Variants in NFASC observed in about 807,000 individuals in gnomAD.
The protein encoded by NFASC is neurofascin, also known as neurofascin homolog.
NFASC carries 43 observed loss-of-function variants against 147.5 expected under a neutral mutation model. The observed-to-expected ratio is 0.29, with a 90% CI of 0.23 to 0.38. The LOEUF (loss-of-function observed/expected upper bound fraction) is 0.38, where lower values mean the gene tolerates loss of function less well. Ranked by LOEUF, NFASC falls within the 10% of genes least tolerant of loss-of-function variation. NFASC has a pLI of 1.00. For missense variants in NFASC, 1,320 were observed against 1,689.0 expected (o/e 0.78, Z 3.83); for synonymous variants, 622 against 665.5 (o/e 0.93, Z 1.01).
At chr1:204,955,027 G>T in intron 7 of NFASC, 76 bp downstream of exon 7, 1 of 1,546,328 alleles carries the variant, frequency 6.5e-7, no homozygotes, top group Admixed American at 1.7e-5. Context: ...GTGGGGAGGG[G>T]CTTGCCCAAG....
intron 1 of NFASC, among the ~76,000 whole-genome samples, chr1:204,894,512 G>A (rs184385470): frequency 3.9e-5 from 6 of 152,336 alleles, no homozygotes; most frequent in Admixed American, 3.3e-4. Flanking sequence ...ATTACAAAGA[G>A]CCTAGATATT....
At chr1:204,918,986 T>C (rs755089471) in intron 1 of NFASC, among the ~76,000 whole-genome samples, 2 of 152,142 alleles carry the variant, frequency 1.3e-5, no homozygotes, top group Non-Finnish European at 2.9e-5. Context: ...AACTTCTGTC[T>C]GTCCCCTGCA....
chr1:204,887,850 G>A (rs1557988282), intron 1 of NFASC, among the ~76,000 whole-genome samples: 1 of 152,026 alleles, frequency 6.6e-6, no homozygotes, highest in Non-Finnish European at 1.5e-5. Context: ...AGCCCGCCTT[G>A]GCCTCTGAAA....
Position 204,954,402 on chromosome 1 carries a change from G to C in NFASC, c.412+18G>C. On this transcript the variant is annotated intron_variant, in intron 6 of 29. Transcript: ENST00000339876. The surrounding 1 kb of genome is among the most constrained non-coding windows in gnomAD (Gnocchi z 5.7). ...GGTGTCTAGTGAGTAGCGTGGGGCA[G>C]GGCTGAAATGCCCTGCTCCTGGGTA... 1.2e-6 allele frequency: 2 copies of C among 1,609,386 alleles called. No homozygotes were observed. The highest frequency in any genetic ancestry group is 1.7e-6 in the Non-Finnish European group (2 of 1,177,036).
At chr1:204,883,193 G>C (rs1269643566) in intron 1 of NFASC, among the ~76,000 whole-genome samples, 2 of 152,198 alleles carry the variant, frequency 1.3e-5, no homozygotes, top group Admixed American at 6.5e-5. Flanking sequence ...TGAATGCAGA[G>C]AAGCTATATG....
chr1:204,829,299 A>C (rs1671532485), intron 1 of NFASC, among the ~76,000 whole-genome samples: 3 of 140,980 alleles, frequency 2.1e-5, no homozygotes, highest in Admixed American at 7.1e-5. Context: ...TCCCCCTTGC[A>C]CGCCCTGTCC....
At chr1:204,840,390 A>G (rs1240928637) in intron 1 of NFASC, among the ~76,000 whole-genome samples, 2 of 152,338 alleles carry the variant, frequency 1.3e-5, no homozygotes, top group South Asian at 2.1e-4. Context: ...ATTCTACTAT[A>G]TAGCCCAATC....
In NFASC at chr1:204,974,299, C is replaced by T. The variant is rs1053566987; in HGVS notation, c.1391+9C>T. The T allele has an allele frequency of 1.9e-6, 3 of 1,601,400 alleles. No homozygotes were observed. In the African/African-American group the frequency reaches 4.0e-5, roughly 21 times the overall value. On this transcript the variant is annotated intron_variant, in intron 13 of 29. Coordinates refer to ENST00000339876, the MANE Select transcript of NFASC (RefSeq NM_001005388.3). ...ATCCCCACACTGCGATGGTAAGTTC[C>T]AGGAGATCAGGCCTTCCACAGCAGG...
In NFASC at chr1:204,975,955, A is replaced by G. The variant is rs2095392669; in HGVS notation, c.1706+537A>G. On this transcript the variant is annotated intron_variant, in intron 15 of 29. Transcript: ENST00000339876. The surrounding 1 kb of genome is among the most constrained non-coding windows in gnomAD (Gnocchi z 4.0). ...AGGACTTAGGACACTGGCAGGGTTT[A>G]AAAGTCCCCCTGGGGGTTCCAGTGT... Among the ~76,000 whole-genome samples, 1 of 152,102 alleles carries G rather than the reference A, an allele frequency of 6.6e-6. No homozygotes were observed. The highest frequency in any genetic ancestry group is 1.5e-5 in the Non-Finnish European group (1 of 68,008).
intron 17 of NFASC, among the ~76,000 whole-genome samples, 200 bp downstream of exon 17, chr1:204,977,925 G>C (rs892365382): frequency 2.0e-5 from 3 of 152,072 alleles, no homozygotes; most frequent in African/African-American, 7.2e-5. Flanking sequence ...CTCCTTACAG[G>C]GTGAGCTCGG....
intron 1 of NFASC, among the ~76,000 whole-genome samples, chr1:204,891,285 T>G (rs2082336627): frequency 6.6e-6 from 1 of 152,194 alleles, no homozygotes; most frequent in African/African-American, 2.4e-5. Context: ...CTTCCTGGTC[T>G]CAAACCCAAC....
intron 1 of NFASC, among the ~76,000 whole-genome samples, chr1:204,901,430 A>T (rs1398715339): frequency 6.6e-6 from 1 of 152,106 alleles, no homozygotes; most frequent in East Asian, 1.9e-4. Context: ...TAAGTGAAGG[A>T]TGTGTTTCAA....
At chr1:204,841,600 C>T (rs963109607) in intron 1 of NFASC, among the ~76,000 whole-genome samples, 8 of 152,202 alleles carry the variant, frequency 5.3e-5, no homozygotes, top group Admixed American at 3.9e-4. Context: ...TCACCACCTG[C>T]CACCACTGTC....
At chr1:204,884,542 A>G (rs2080930304) in intron 1 of NFASC, among the ~76,000 whole-genome samples, 1 of 152,038 alleles carries the variant, frequency 6.6e-6, no homozygotes, top group East Asian at 1.9e-4. Flanking sequence ...TGATGTCTGG[A>G]TGTTAAGACC....
At position 205,022,228 on chromosome 1, in the gene NFASC, T is replaced by A. The variant is rs1331960119; in HGVS notation, c.*5689T>A. ...TTTTTTCTGATTCCCAACTGCAATG[T>A]CCTCAGTCAGTGTTGTCCCTCTGCC... On this transcript the variant is annotated 3_prime_UTR_variant, in exon 30 of 30. Transcript: ENST00000339876. 1 of 152,622 alleles carries A rather than the reference T, an allele frequency of 6.6e-6. No homozygotes were observed. Among genetic ancestry groups the A allele is most frequent in the African/African-American group, 2.4e-5 (1 of 41,416 alleles). The allele number at this position is 152,622 out of a possible 1,614,324, so 9.5% of individuals were successfully genotyped here.
At chr1:204,864,236 T>G (rs1295404728) in intron 1 of NFASC, among the ~76,000 whole-genome samples, 2 of 152,242 alleles carry the variant, frequency 1.3e-5, no homozygotes, top group African/African-American at 4.8e-5. Flanking sequence ...ATGGTATGAA[T>G]GCACACCGTT....
In NFASC at chr1:205,022,121, G is replaced by A. The variant is rs2096404133; in HGVS notation, c.*5582G>A. ...AGTGAAGCAATAAACACAAAACTCT[G>A]GGAGAAGATATCCAGAATTTTGTAC... On this transcript the variant is annotated 3_prime_UTR_variant, in exon 30 of 30. Coordinates refer to ENST00000339876, the MANE Select transcript of NFASC (RefSeq NM_001005388.3). 6.6e-6 allele frequency: 1 copy of A among 152,610 alleles called. No homozygotes were observed. Among genetic ancestry groups the A allele is most frequent in the South Asian group, 2.1e-4 (1 of 4,834 alleles). The allele number at this position is 152,610 out of a possible 1,614,324, so 9.5% of individuals were successfully genotyped here.
At chr1:204,950,434 G>A (rs535854320) in intron 3 of NFASC, 123 bp from the exon 4 acceptor site, 14 of 869,744 alleles carry the variant, frequency 1.6e-5, no homozygotes, top group East Asian at 5.3e-5. Flanking sequence ...TGTGCTCAGC[G>A]CCCTCCCCAG....
chr1:204,872,970 C>G lies in NFASC; in HGVS notation c.-200+44188C>G, dbSNP rs2078006593. Among the ~76,000 whole-genome samples, 3 of 152,158 alleles carry G rather than the reference C, an allele frequency of 2.0e-5. No individual in the cohort carries two copies. In the South Asian group the frequency reaches 6.2e-4, roughly 32 times the overall value. On this transcript the variant is annotated intron_variant, in intron 1 of 29. Coordinates refer to ENST00000339876, the MANE Select transcript of NFASC (RefSeq NM_001005388.3). Reference sequence around the variant, plus strand: ...TGGTGTCACACTGTCGGTGACTGAGCCAGGCCCAAGAACCTGTTCTTTTAG... The same window carrying G: ...TGGTGTCACACTGTCGGTGACTGAGGCAGGCCCAAGAACCTGTTCTTTTAG...
Sources: allele counts gnomAD v4.1 joint callset (sites outside exome capture counted in the v4.1 genomes callset), GRCh38; gene constraint gnomAD v4.1.1; non-coding constraint Gnocchi (gnomAD v3.1); transcripts MANE v1.5; gene names NCBI Gene and HGNC (gene_info 2026-07-23, HGNC 2026-07-21).